PXK: variants seen among roughly 807,000 people sequenced by gnomAD.
PXK encodes the protein PX domain containing serine/threonine kinase like.
Under a neutral mutation model 84.7 loss-of-function variants are expected in PXK, and 35 were observed. The ratio of observed to expected loss-of-function variants is 0.41; its 90% CI spans 0.32 to 0.55. The LOEUF (loss-of-function observed/expected upper bound fraction) is 0.55. Ranked by LOEUF, PXK falls within the 20% of genes least tolerant of loss-of-function variation. The pLI is 0.21. For missense variants in PXK, 634 were observed against 699.7 expected (o/e 0.91, Z 1.06); for synonymous variants, 253 against 260.8 (o/e 0.97, Z 0.29).
chr3:58,358,196 A>G (rs1368571343), intron 1 of PXK, among the ~76,000 whole-genome samples: 1 of 152,186 alleles, frequency 6.6e-6, no homozygotes, highest in Non-Finnish European at 1.5e-5. Flanking sequence ...TGATATATGC[A>G]TTATTATTGA....
Position 58,411,937 on chromosome 3 carries a change from C to A in PXK, c.1466-964C>A, listed in dbSNP as rs536980842. ...AAACTGGAGGGAGGTGTGGTTTAAT[C>A]AGGACATTTCTCATCATGGCCAGTG... On this transcript the variant is annotated intron_variant, in intron 16 of 17. Transcript: ENST00000356151. The surrounding 1 kb of genome is among the most constrained non-coding windows in gnomAD (Gnocchi z 4.2). Among the ~76,000 whole-genome samples, 2 of 152,050 alleles carry A rather than the reference C, an allele frequency of 1.3e-5. No homozygotes were observed. Among genetic ancestry groups the A allele is most frequent in the Non-Finnish European group, 2.9e-5 (2 of 68,002 alleles).
At chr3:58,368,617 C>T (rs2098315018) in intron 2 of PXK, among the ~76,000 whole-genome samples, 1 of 152,206 alleles carries the variant, frequency 6.6e-6, no homozygotes, top group South Asian at 2.1e-4. Flanking sequence ...CCACTGTGCC[C>T]AGCCCATTTC....
rs191259642 is a variant in PXK, at chr3:58,419,495, C to T, written c.1529-5257C>T. On this transcript the variant is annotated intron_variant, in intron 17 of 17. Transcript: ENST00000356151. ...CTCGAACTTCTGGCCTCAGGTGATC[C>T]GCCCGCCTTGGCCTCCCAAAGTGCT... Among the ~76,000 whole-genome samples, 332 of 152,350 alleles carry T rather than the reference C, an allele frequency of 2.2e-3. 4 individuals carry two copies. The highest frequency in any genetic ancestry group is 0.019 in the Admixed American group (291 of 15,304).
intron 3 of PXK, among the ~76,000 whole-genome samples, chr3:58,382,044 G>A (rs13096020): frequency 0.073 from 11,097 of 152,234 alleles, 520 homozygotes; most frequent in South Asian, 0.1. Context: ...GGCCAGATGT[G>A]GTGGCTCATA....
At position 58,390,508 on chromosome 3, in the gene PXK, A is replaced by T. The variant is rs976285285; in HGVS notation, c.389-74A>T. 4.6e-6 allele frequency: 5 copies of T among 1,096,478 alleles called. No individual in the cohort carries two copies. Among genetic ancestry groups the T allele is most frequent in the Non-Finnish European group, 5.3e-6 (4 of 758,900 alleles). The allele number at this position is 1,096,478 out of a possible 1,614,324, so 67.9% of individuals were successfully genotyped here. A position where few individuals can be genotyped will look rare whatever the true frequency, so the allele number is the denominator to read the frequency against. ...GTCATAGACTATAGGGATTTCATTT[A>T]CAAGAATAATATCTTCAGCATATGG... On this transcript the variant is annotated intron_variant, in intron 4 of 17. Transcript: ENST00000356151. The surrounding 1 kb of genome is among the most constrained non-coding windows in gnomAD (Gnocchi z 4.2).
intron 3 of PXK, among the ~76,000 whole-genome samples, chr3:58,381,783 C>G (rs1302185185): frequency 1.3e-5 from 2 of 151,820 alleles, no homozygotes; most frequent in Non-Finnish European, 2.9e-5. Context: ...ACAGATAATG[C>G]CTAAAAATGA....
chr3:58,405,464 A>G (rs1028871691), intron 13 of PXK, among the ~76,000 whole-genome samples: 58 of 152,142 alleles, frequency 3.8e-4, no homozygotes, highest in African/African-American at 1.3e-3. Context: ...GGATCATTTG[A>G]GGTCAGGAGT....
At position 58,421,109 on chromosome 3, in the gene PXK, C is replaced by G. The variant is rs62258139; in HGVS notation, c.1529-3643C>G. On this transcript the variant is annotated intron_variant, in intron 17 of 17. Transcript: ENST00000356151. The surrounding 1 kb of genome is among the most constrained non-coding windows in gnomAD (Gnocchi z 5.5). ...AAGCCAAAGGAGAAGGTGGTTCTCC[C>G]GAGAGCTGGGGGCTTGCCTGCTTCG... 3.0e-6 allele frequency: 3 copies of G among 991,198 alleles called. No homozygotes were observed. The highest frequency in any genetic ancestry group is 5.1e-4 in the Middle Eastern group (1 of 1,950). The allele number at this position is 991,198 out of a possible 1,614,324, so 61.4% of individuals were successfully genotyped here.
At chr3:58,371,644 T>G (rs2098372837) in intron 3 of PXK, among the ~76,000 whole-genome samples, 1 of 152,198 alleles carries the variant, frequency 6.6e-6, no homozygotes, top group African/African-American at 2.4e-5. Context: ...TTACTCATAC[T>G]TTGGGGTGAT....
Position 58,425,020 on chromosome 3 carries a change from C to T in PXK, c.*60C>T, listed in dbSNP as rs141369866. 1.5e-5 allele frequency: 24 copies of T among 1,582,678 alleles called. No homozygotes were observed. In the African/African-American group the frequency reaches 2.3e-4, roughly 15 times the overall value. On this transcript the variant is annotated 3_prime_UTR_variant, in exon 18 of 18. Transcript: ENST00000356151. Reference sequence around the variant, plus strand: ...TTTTATTCCTACTCACCCCTACCCCCCAAACTACCCTCTTCCTGGGAAAGT... The same window carrying T: ...TTTTATTCCTACTCACCCCTACCCCTCAAACTACCCTCTTCCTGGGAAAGT...
At chr3:58,341,057 A>G (rs534364636) in intron 1 of PXK, among the ~76,000 whole-genome samples, 13 of 152,106 alleles carry the variant, frequency 8.5e-5, no homozygotes, top group Admixed American at 7.2e-4. Context: ...GGGGAAGTTA[A>G]AGTTGACTCC....
rs1178861825 is a variant in PXK, at chr3:58,401,170, G to A, written c.1181+1793G>A. 6.6e-6 allele frequency among the ~76,000 whole-genome samples: 1 copy of A among 152,096 alleles called. No individual in the cohort carries two copies. The highest frequency in any genetic ancestry group is 2.4e-5 in the African/African-American group (1 of 41,414). On this transcript the variant is annotated intron_variant, in intron 12 of 17. Coordinates refer to ENST00000356151, the MANE Select transcript of PXK (RefSeq NM_017771.5). This position sits in a 1 kb window ranked among gnomAD's most constrained non-coding sequence, Gnocchi z 4.4. ...GATGTGGGCTTCAGCTATGAGAAGA[G>A]CTCCTGGACAGGCGTAAACCATGTT...
chr3:58,387,635 G>A (rs779428646), intron 4 of PXK, among the ~76,000 whole-genome samples: 1 of 152,192 alleles, frequency 6.6e-6, no homozygotes, highest in Non-Finnish European at 1.5e-5. Flanking sequence ...CCGAGAGGCA[G>A]TGGCCAGTGC....
chr3:58,342,395 C>G (rs1007283270), intron 1 of PXK, among the ~76,000 whole-genome samples: 55 of 151,094 alleles, frequency 3.6e-4, no homozygotes, highest in African/African-American at 1.3e-3. Context: ...GTAATCATAG[C>G]ACTTTGAGAG....
chr3:58,352,862 A>T (rs2097961753), intron 1 of PXK, among the ~76,000 whole-genome samples: 4 of 152,158 alleles, frequency 2.6e-5, no homozygotes, highest in Admixed American at 2.6e-4. Context: ...GAGAGTGTAG[A>T]CTTCAAAAGG....
intron 16 of PXK, 50 bp downstream of exon 16, chr3:58,410,209 A>G: frequency 7.2e-7 from 1 of 1,391,508 alleles, no homozygotes; most frequent in Non-Finnish European, 1.0e-6. Context: ...GATCAGGATC[A>G]GGAGTCTCTA....
At chr3:58,422,440 C>A (rs1406224690) in intron 17 of PXK, 1 of 985,318 alleles carries the variant, frequency 1.0e-6, no homozygotes, top group Non-Finnish European at 1.2e-6. Context: ...CAGGGAGATC[C>A]TGCTGCCTGT....
At position 58,332,944 on chromosome 3, in the gene PXK, G is replaced by A. The variant is rs2097520597; in HGVS notation, c.-45G>A. 2.4e-6 allele frequency: 3 copies of A among 1,270,384 alleles called. No homozygotes were observed. The highest frequency in any genetic ancestry group is 3.1e-6 in the Non-Finnish European group (3 of 979,144). 78.7% of individuals were successfully genotyped at this position (1,270,384 alleles called of 1,614,324 possible). A position where few individuals can be genotyped will look rare whatever the true frequency, so the allele number is the denominator to read the frequency against. ...CGGGCGGCGGGAGTCGGCGCCTCGG[G>A]TTCCTACCTCGCGTCCCTAGGCGGC... On this transcript the variant is annotated 5_prime_UTR_variant, in exon 1 of 18. Coordinates refer to ENST00000356151, the MANE Select transcript of PXK (RefSeq NM_017771.5). The surrounding 1 kb of genome is among the most constrained non-coding windows in gnomAD (Gnocchi z 5.6).
Position 58,399,409 on chromosome 3 carries a change from T to C in PXK, c.1181+32T>C, listed in dbSNP as rs777024743. 1.3e-6 allele frequency: 2 copies of C among 1,581,020 alleles called. No homozygotes were observed. Among genetic ancestry groups the C allele is most frequent in the Non-Finnish European group, 8.7e-7 (1 of 1,150,832 alleles). ...CAATCATATGCGTTGGTTGTAATCT[T>C]GATAACTATGTTGAACACCAGACCA... is the stretch of plus-strand genomic sequence containing the variant. On this transcript the variant is annotated intron_variant, in intron 12 of 17. Transcript: ENST00000356151. The surrounding 1 kb of genome is among the most constrained non-coding windows in gnomAD (Gnocchi z 4.3).
Sources: gnomAD v4.1 joint callset for allele counts (sites outside exome capture counted in the v4.1 genomes callset) on GRCh38, gnomAD v4.1.1 for gene constraint, Gnocchi (gnomAD v3.1) non-coding constraint, MANE v1.5 for transcripts, NCBI Gene and HGNC (gene_info 2026-07-23, HGNC 2026-07-21) for gene names.